The following CTNNAL1 variants were observed in gnomAD, a reference collection of about 807,000 sequenced individuals.
The protein encoded by CTNNAL1 is catenin alpha like 1, also known as alpha-catulin.
CTNNAL1 carries 69 observed loss-of-function variants against 93.6 expected under a neutral mutation model. That is an observed-to-expected ratio of 0.74 (90% CI 0.61 to 0.90). CTNNAL1 has a LOEUF of 0.90. Among genes scored for constraint, CTNNAL1 ranks in the 40% least tolerant of loss-of-function variants. The pLI, the probability that CTNNAL1 is intolerant of heterozygous loss-of-function variation, is 0.00. For synonymous variants in CTNNAL1, 286 were observed against 305.4 expected (o/e 0.94, Z 0.66); for missense variants, 836 against 862.0 (o/e 0.97, Z 0.38).
At chr9:108,960,914 C>A (rs1830805423) in intron 11 of CTNNAL1, among the ~76,000 whole-genome samples, 1 of 152,136 alleles carries the variant, frequency 6.6e-6, no homozygotes, top group Non-Finnish European at 1.5e-5. Context: ...TTTTTACCTT[C>A]TTGAAACAAT....
chr9:108,946,434 G>A (rs950933408), intron 15 of CTNNAL1, among the ~76,000 whole-genome samples: 1 of 151,836 alleles, frequency 6.6e-6, no homozygotes, highest in African/African-American at 2.4e-5. Context: ...CCTGCACCTC[G>A]GGGCTTTGCA....
chr9:108,942,644 A>G lies in CTNNAL1; in HGVS notation c.*125T>C. ...AATCAGTTTCATGATCAGAAAATAG[A>G]GCAAAATTTCAATATTGTTTTCTTT... On this transcript the variant is annotated 3_prime_UTR_variant, in exon 19 of 19. Coordinates refer to ENST00000325551, the MANE Select transcript of CTNNAL1 (RefSeq NM_003798.4). 2.9e-6 allele frequency: 2 copies of G among 698,114 alleles called. No homozygotes were observed. The highest frequency in any genetic ancestry group is 4.0e-5 in the South Asian group (2 of 50,450). The allele number at this position is 698,114 out of a possible 1,614,324, so 43.2% of individuals were successfully genotyped here.
intron 10 of CTNNAL1, among the ~76,000 whole-genome samples, chr9:108,968,929 TAAAC>T (rs1461944100): frequency 7.9e-5 from 12 of 151,782 alleles, no homozygotes; most frequent in East Asian, 5.8e-4. Context: ...TTTAAAAAAA[TAAAC>T]AAAAGAACAA....
intron 11 of CTNNAL1, among the ~76,000 whole-genome samples, chr9:108,957,814 G>A (rs776236417): frequency 6.6e-6 from 1 of 151,858 alleles, no homozygotes; most frequent in Non-Finnish European, 1.5e-5. Context: ...TATTATAAAG[G>A]GCACATTAAA....
intron 9 of CTNNAL1, 141 bp from the exon 10 acceptor site, chr9:108,970,635 A>T (rs1027965708): frequency 1.7e-5 from 11 of 633,020 alleles, no homozygotes; most frequent in Non-Finnish European, 2.7e-5. Context: ...TACTGAGAAG[A>T]TTATTATAAT....
intron 6 of CTNNAL1, 106 bp from the exon 7 acceptor site, chr9:108,979,587 T>C (rs1369826868): frequency 4.9e-6 from 5 of 1,025,424 alleles, no homozygotes; most frequent in Non-Finnish European, 5.7e-6. Flanking sequence ...AGCATTTCCT[T>C]TTCCCAAGCT....
At chr9:108,972,864 G>GGGGGCGCCCCCCCCCCCC in intron 8 of CTNNAL1, 31 bp from the exon 9 acceptor site, 1 of 142,570 alleles carries the variant, frequency 7.0e-6, no homozygotes, top group Non-Finnish European at 1.0e-5. Flanking sequence ...GGGGGGGTGG[G>GGGGGCGCCCCCCCCCCCC]AGGGTGGAGA....
intron 17 of CTNNAL1, 96 bp from the exon 18 acceptor site, chr9:108,943,140 T>C: frequency 6.1e-6 from 7 of 1,138,620 alleles, no homozygotes; most frequent in African/African-American, 1.6e-5. Flanking sequence ...TTTCTCCATA[T>C]GGAAATCTAA....
intron 1 of CTNNAL1, among the ~76,000 whole-genome samples, chr9:109,002,243 CCTCACAAGG>C (rs1248670631): frequency 6.6e-6 from 1 of 152,166 alleles, no homozygotes; most frequent in East Asian, 1.9e-4. Flanking sequence ...TCTTCTGTGT[CCTCACAAGG>C]CTCCCTGAAG....
chr9:109,005,821 C>T (rs148693750), intron 1 of CTNNAL1, among the ~76,000 whole-genome samples: 48 of 152,222 alleles, frequency 3.2e-4, no homozygotes, highest in East Asian at 2.9e-3. Flanking sequence ...ACTATTGTTC[C>T]GTTCCAAAAG....
At chr9:108,953,713 C>CAT (rs1287793442) in intron 12 of CTNNAL1, among the ~76,000 whole-genome samples, 1 of 152,186 alleles carries the variant, frequency 6.6e-6, no homozygotes, top group African/African-American at 2.4e-5. Context: ...GCTCATGGAA[C>CAT]ATAGCCCTTT....
At chr9:108,991,591 A>G (rs1408698622) in intron 3 of CTNNAL1, among the ~76,000 whole-genome samples, 1 of 152,186 alleles carries the variant, frequency 6.6e-6, no homozygotes, top group Non-Finnish European at 1.5e-5. Context: ...TGAGAATATG[A>G]TGAATATTTG....
Position 109,013,453 on chromosome 9 carries a change from C to T in CTNNAL1, c.-11G>A. 1 of 1,412,876 alleles carries T rather than the reference C, an allele frequency of 7.1e-7. No individual in the cohort carries two copies. The highest frequency in any genetic ancestry group is 9.3e-7 in the Non-Finnish European group (1 of 1,078,812). 87.5% of individuals were successfully genotyped at this position (1,412,876 alleles called of 1,614,324 possible). A position where few individuals can be genotyped will look rare whatever the true frequency, so the allele number is the denominator to read the frequency against. On this transcript the variant is annotated 5_prime_UTR_variant, in exon 1 of 19. Coordinates refer to ENST00000325551, the MANE Select transcript of CTNNAL1 (RefSeq NM_003798.4). ...GGGAGAGGCGGCCATGGCCCTCGGT[C>T]TATCCCGCAGCCGGGACTCCGCGCC...
chr9:109,005,696 T>A (rs534175513), intron 1 of CTNNAL1, among the ~76,000 whole-genome samples: 73 of 152,358 alleles, frequency 4.8e-4, no homozygotes, highest in African/African-American at 1.7e-3. Flanking sequence ...CCCAGTCTAT[T>A]TTTTATAGCA....
intron 15 of CTNNAL1, among the ~76,000 whole-genome samples, chr9:108,944,776 G>A (rs1207794593): frequency 6.6e-6 from 1 of 152,000 alleles, no homozygotes; most frequent in Non-Finnish European, 1.5e-5. Flanking sequence ...GAAAATAATA[G>A]GTCTTCATAA....
chr9:108,943,978 T>C lies in CTNNAL1; in HGVS notation c.1925A>G (p.Gln642Arg), dbSNP rs1564117888. ...AEGLKLTSSV[Q>R]AFSKQLKDDD... ...ATGTGTTACCTGTTTTGAAAAAGCT[T>C]GAACACTGGAAGTAAGCTTTAAACC... The change falls in exon 16 of 19, where the codon CAA becomes CGA. Residue 642 changes from glutamine (Q) to arginine (R), a missense_variant. Physicochemically the swap from Gln to Arg is conservative, Grantham distance 43 (BLOSUM62 1). Coordinates refer to ENST00000325551, the MANE Select transcript of CTNNAL1 (RefSeq NM_003798.4). The C allele has an allele frequency of 1.2e-6, 2 of 1,613,838 alleles. No individual in the cohort carries two copies. Among genetic ancestry groups the C allele is most frequent in the Admixed American group, 3.3e-5 (2 of 59,988 alleles).
Position 108,972,837 on chromosome 9 carries a change from C to A in CTNNAL1, c.1189-4G>T. Reference sequence around the variant, plus strand: ...GCTGTGTCGCTGTACTATGAAGCTGCAGATGTGTGTGTGGGTGGGGGGGTG... The same window carrying A: ...GCTGTGTCGCTGTACTATGAAGCTGAAGATGTGTGTGTGGGTGGGGGGGTG... On this transcript the variant is annotated splice_region_variant and splice_polypyrimidine_tract_variant and intron_variant, in intron 8 of 18. Transcript: ENST00000325551. The A allele has an allele frequency of 1.7e-6, 1 of 575,488 alleles. No individual in the cohort carries two copies. Among genetic ancestry groups the A allele is most frequent in the Non-Finnish European group, 2.6e-6 (1 of 382,258 alleles). 35.6% of individuals were successfully genotyped at this position (575,488 alleles called of 1,614,324 possible). A position where few individuals can be genotyped will look rare whatever the true frequency, so the allele number is the denominator to read the frequency against.
intron 2 of CTNNAL1, among the ~76,000 whole-genome samples, chr9:108,998,391 T>TA (rs920456167): frequency 3.3e-5 from 5 of 150,700 alleles, no homozygotes; most frequent in Non-Finnish European, 7.4e-5. Flanking sequence ...TACCTTGCTT[T>TA]TTTTTTTTTT....
At position 109,011,566 on chromosome 9, in the gene CTNNAL1, G is replaced by T. The variant is rs375304512; in HGVS notation, c.141+1736C>A. Among the ~76,000 whole-genome samples the T allele has an allele frequency of 5.9e-5, 9 of 152,256 alleles. No individual in the cohort carries two copies. In the East Asian group the frequency reaches 1.7e-3, roughly 29 times the overall value. On this transcript the variant is annotated intron_variant, in intron 1 of 18. Transcript: ENST00000325551. ...AAAAGTTGCCATTTCTCCAGATTAT[G>T]ACTTTCTAGCTTGTTTTTCCACTAT...
Sources: gnomAD v4.1 joint callset for allele counts (sites outside exome capture counted in the v4.1 genomes callset) on GRCh38, gnomAD v4.1.1 for gene constraint, MANE v1.5 for transcripts, NCBI Gene and HGNC (gene_info 2026-07-23, HGNC 2026-07-21) for gene names.